SORCS3: variants seen among roughly 807,000 people sequenced by gnomAD.
SORCS3 encodes sortilin related VPS10 domain containing receptor 3.
In SORCS3, 57 loss-of-function variants were observed where a neutral mutation model predicts 146.3. The observed-to-expected ratio is 0.39, with a 90% CI of 0.31 to 0.49. The LOEUF is 0.49. Among genes scored for constraint, SORCS3 ranks in the 20% least tolerant of loss-of-function variants. The pLI, the probability that SORCS3 is intolerant of heterozygous loss-of-function variation, is 0.92. For synonymous variants in SORCS3, 653 were observed against 618.5 expected, an observed-to-expected ratio of 1.06 and a Z score of -0.83; for missense variants, 1,341 against 1,575.5, an observed-to-expected ratio of 0.85 and a Z score of 2.52.
intron 1 of SORCS3, among the ~76,000 whole-genome samples, chr10:104,656,501 A>C (rs1027473819): frequency 6.6e-6 from 1 of 151,942 alleles, no homozygotes. Context: ...ATACACACAC[A>C]AACAAAATTA....
chr10:104,786,187 T>G (rs1409463464), intron 1 of SORCS3, among the ~76,000 whole-genome samples: 1 of 152,054 alleles, frequency 6.6e-6, no homozygotes, highest in African/African-American at 2.4e-5. Context: ...TCAAGTTCTG[T>G]TTTAACCACT....
chr10:105,170,381 T>G (rs139298026), intron 13 of SORCS3, among the ~76,000 whole-genome samples: 1 of 152,120 alleles, frequency 6.6e-6, no homozygotes, highest in Non-Finnish European at 1.5e-5. Flanking sequence ...CAATGTAATA[T>G]ATCTCTTTTC....
At chr10:104,945,022 T>C (rs2019356013) in intron 3 of SORCS3, among the ~76,000 whole-genome samples, 1 of 152,184 alleles carries the variant, frequency 6.6e-6, no homozygotes, top group African/African-American at 2.4e-5. Flanking sequence ...ATTGAATGAA[T>C]TACTGCTATA....
chr10:104,750,471 G>A (rs1023651200), intron 1 of SORCS3, among the ~76,000 whole-genome samples: 1 of 152,136 alleles, frequency 6.6e-6, no homozygotes, highest in Non-Finnish European at 1.5e-5. Flanking sequence ...TGAAGATAGT[G>A]TCCCAAGTAG....
chr10:104,805,870 T>C (rs775561213), intron 1 of SORCS3, among the ~76,000 whole-genome samples: 1 of 152,154 alleles, frequency 6.6e-6, no homozygotes, highest in Non-Finnish European at 1.5e-5. Flanking sequence ...CTTTCCCCTC[T>C]TTACTTATTC....
chr10:104,839,113 G>A (rs749766326), intron 1 of SORCS3, among the ~76,000 whole-genome samples: 2 of 152,164 alleles, frequency 1.3e-5, no homozygotes, highest in Admixed American at 6.6e-5. Flanking sequence ...ACTCAAAAGC[G>A]ATTATTGTAT....
intron 1 of SORCS3, among the ~76,000 whole-genome samples, chr10:104,781,817 G>A (rs1393719287): frequency 6.6e-6 from 1 of 152,200 alleles, no homozygotes; most frequent in Admixed American, 6.5e-5. Context: ...GGTTGTCCTG[G>A]CCTTTTGGTA....
At chr10:104,865,540 C>T (rs1229536529) in intron 2 of SORCS3, among the ~76,000 whole-genome samples, 1 of 152,030 alleles carries the variant, frequency 6.6e-6, no homozygotes, top group African/African-American at 2.4e-5. Flanking sequence ...AAAACCAGCG[C>T]ACTTTCAGAC....
chr10:105,095,553 G>T (rs2055739703), intron 6 of SORCS3, among the ~76,000 whole-genome samples: 1 of 152,136 alleles, frequency 6.6e-6, no homozygotes, highest in Admixed American at 6.5e-5. Context: ...CCTGGGGAGG[G>T]TGTTGAAATG....
intron 14 of SORCS3, among the ~76,000 whole-genome samples, chr10:105,195,454 CTTG>C (rs1031287380): frequency 1.3e-5 from 2 of 152,124 alleles, no homozygotes; most frequent in Admixed American, 1.3e-4. Context: ...TTCCACAGAT[CTTG>C]TTGTAAATTT....
chr10:105,149,885 T>G (rs1304781921), intron 9 of SORCS3, among the ~76,000 whole-genome samples: 1 of 152,140 alleles, frequency 6.6e-6, no homozygotes, highest in Admixed American at 6.6e-5. Context: ...CCATGCAATT[T>G]TTTTCTTTCC....
At chr10:104,881,752 A>G (rs1270265703) in intron 2 of SORCS3, among the ~76,000 whole-genome samples, 2 of 152,188 alleles carry the variant, frequency 1.3e-5, no homozygotes, top group Non-Finnish European at 2.9e-5. Context: ...AACCAAGCAA[A>G]GCAAAAAGAC....
intron 7 of SORCS3, among the ~76,000 whole-genome samples, chr10:105,133,431 G>A (rs2056035838): frequency 6.6e-6 from 1 of 152,176 alleles, no homozygotes; most frequent in South Asian, 2.1e-4. Context: ...GAGTTGGAGA[G>A]CCCAGGTTTA....
intron 5 of SORCS3, among the ~76,000 whole-genome samples, chr10:105,071,687 C>T (rs1258843353): frequency 6.6e-6 from 1 of 152,160 alleles, no homozygotes; most frequent in Non-Finnish European, 1.5e-5. Flanking sequence ...CAGTTATACT[C>T]CTTAAGTTAT....
intron 4 of SORCS3, among the ~76,000 whole-genome samples, chr10:104,988,469 C>T (rs2054974856): frequency 6.6e-6 from 1 of 152,132 alleles, no homozygotes; most frequent in African/African-American, 2.4e-5. Context: ...CTAATTAATT[C>T]TGCCTCAAGC....
intron 1 of SORCS3, among the ~76,000 whole-genome samples, chr10:104,796,552 T>A (rs1320371555): frequency 2.6e-5 from 4 of 152,208 alleles, no homozygotes; most frequent in Non-Finnish European, 5.9e-5. Context: ...ATTATTTTTA[T>A]GATTACTCTG....
chr10:104,976,172 G>A (rs1241205846), intron 3 of SORCS3, among the ~76,000 whole-genome samples: 1 of 152,088 alleles, frequency 6.6e-6, no homozygotes, highest in African/African-American at 2.4e-5. Context: ...CTGACAAAGG[G>A]CTAATATCCA....
intron 1 of SORCS3, among the ~76,000 whole-genome samples, chr10:104,747,834 G>A (rs1323892360): frequency 6.6e-5 from 10 of 152,232 alleles, no homozygotes. Context: ...GAGCATGTCA[G>A]CTGGAACAGG....
At chr10:105,061,644 C>T (rs1368272142) in intron 5 of SORCS3, among the ~76,000 whole-genome samples, 2 of 90,532 alleles carry the variant, frequency 2.2e-5, no homozygotes, top group Non-Finnish European at 4.2e-5. Flanking sequence ...CAGAGCGAGA[C>T]CCTATCTCAA....
Sources: allele counts gnomAD v4.1 joint callset (sites outside exome capture counted in the v4.1 genomes callset), GRCh38; gene constraint gnomAD v4.1.1; transcripts MANE v1.5; gene names NCBI Gene and HGNC (gene_info 2026-07-23, HGNC 2026-07-21).